CLOCK: variants seen among roughly 807,000 people sequenced by gnomAD.
CLOCK encodes the protein clock circadian regulator, also known as circadian locomoter output cycles protein kaput.
Under a neutral mutation model 118.4 loss-of-function variants are expected in CLOCK, and 43 were observed. That is an observed-to-expected ratio of 0.36 (90% CI 0.28 to 0.47). The LOEUF is 0.47. CLOCK is among the 20% of genes least tolerant of loss of function. CLOCK has a pLI of 1.00. For missense variants in CLOCK, 846 were observed against 999.9 expected, an observed-to-expected ratio of 0.85 and a Z score of 2.08; for synonymous variants, 326 against 339.2, an observed-to-expected ratio of 0.96 and a Z score of 0.43.
rs530414541 is a variant in CLOCK at position 55,524,275 on chromosome 4, G to A, written c.-289-14210C>T. ...AAATTAGCTGAGCATGGTGGCACCA[G>A]CCTGTAATCCCAGCTACTCAGGAGG... On this transcript the variant is annotated intron_variant, in intron 1 of 22. Transcript: ENST00000513440. 1.6e-4 allele frequency among the ~76,000 whole-genome samples: 24 copies of A among 152,080 alleles called. No individual in the cohort carries two copies. The South Asian group carries it at 5.0e-3, about 32-fold the overall frequency.
intron 6 of CLOCK, among the ~76,000 whole-genome samples, chr4:55,477,145 G>A (rs1208574562): frequency 1.3e-5 from 2 of 151,864 alleles, no homozygotes; most frequent in Non-Finnish European, 2.9e-5. Context: ...ATTTTAGGAT[G>A]ATACATATAT....
In CLOCK at chr4:55,470,746, T is replaced by C; in HGVS notation, c.409A>G (p.Ser137Gly). The change falls in exon 8 of 23, where the codon AGT becomes GGT. Residue 137 changes from serine (S) to glycine (G), a missense_variant. Ser to Gly is a moderately conservative substitution (Grantham distance 56). Transcript: ENST00000513440. ...AAATGTTCAAGTAATGAAGTTACACTCTCAGACACATATATTATGCTTCCA... is the reference window on the plus strand; with the variant it reads ...AAATGTTCAAGTAATGAAGTTACACCCTCAGACACATATATTATGCTTCCA... ...TDGSIIYVSE[S>G]VTSLLEHLPS... 1 of 1,610,914 alleles carries C rather than the reference T, an allele frequency of 6.2e-7. No homozygotes were observed. Among genetic ancestry groups the C allele is most frequent in the Non-Finnish European group, 8.5e-7 (1 of 1,177,654 alleles).
At position 55,492,750 on chromosome 4, in the gene CLOCK, C is replaced by T. The variant is rs1388375647; in HGVS notation, c.-135-3285G>A. The stretch of plus-strand genomic sequence containing the variant: ...ATCCCAGTTACTCGGGAGGGTGAGG[C>T]AGGAGAATCGCTTGAACCCAGGAAG... On this transcript the variant is annotated intron_variant, in intron 2 of 22. Coordinates refer to ENST00000513440, the MANE Select transcript of CLOCK (RefSeq NM_004898.4). Among the ~76,000 whole-genome samples the T allele has an allele frequency of 3.9e-5, 6 of 152,056 alleles. No individual in the cohort carries two copies. The East Asian group carries it at 9.6e-4, about 24-fold the overall frequency.
At position 55,453,823 on chromosome 4, in the gene CLOCK, T is replaced by C. The variant is rs746317226; in HGVS notation, c.984A>G (p.Leu328=). The change falls in exon 14 of 23, where the codon TTA becomes TTG. Residue 328 remains leucine, a splice_region_variant and synonymous_variant. Coordinates refer to ENST00000513440, the MANE Select transcript of CLOCK (RefSeq NM_004898.4). ...ATGATTTGCCTTTCCCATATTGCAT[T>C]ACTAAAAGGAAAATAGAGAAATATT... The part of the protein sequence containing the change: ...LENLAKCHEH[L]MQYGKGKSCY... 5 of 1,597,040 alleles carry C rather than the reference T, an allele frequency of 3.1e-6. No homozygotes were observed. In the South Asian group the frequency reaches 4.6e-5, roughly 15 times the overall value.
At chr4:55,521,239 G>C (rs1198990155) in intron 1 of CLOCK, among the ~76,000 whole-genome samples, 1 of 152,046 alleles carries the variant, frequency 6.6e-6, no homozygotes, top group African/African-American at 2.4e-5. Flanking sequence ...GTTTTTTTGA[G>C]ATGGAGTTTC....
chr4:55,479,449 A>C (rs976128671), intron 5 of CLOCK, among the ~76,000 whole-genome samples, 191 bp downstream of exon 5: 1 of 152,192 alleles, frequency 6.6e-6, no homozygotes, highest in African/African-American at 2.4e-5. Flanking sequence ...GCAAAGCATA[A>C]TACTTTTCCA....
intron 4 of CLOCK, among the ~76,000 whole-genome samples, chr4:55,481,365 T>A (rs566673117): frequency 6.6e-6 from 1 of 152,322 alleles, no homozygotes; most frequent in East Asian, 1.9e-4. Flanking sequence ...ATATTAATAA[T>A]CACTGCTTTA....
intron 13 of CLOCK, among the ~76,000 whole-genome samples, chr4:55,455,348 T>TG (rs1724846770): frequency 6.6e-6 from 1 of 152,202 alleles, no homozygotes. Flanking sequence ...AGCTTACTCA[T>TG]GAAGATAATA....
intron 1 of CLOCK, among the ~76,000 whole-genome samples, chr4:55,518,787 T>C (rs1166559984): frequency 1.3e-5 from 2 of 152,192 alleles, no homozygotes; most frequent in African/African-American, 4.8e-5. Flanking sequence ...AAACAATAAA[T>C]TTCTGTTGCT....
chr4:55,518,051 A>G (rs1023616604), intron 1 of CLOCK, among the ~76,000 whole-genome samples: 1 of 152,130 alleles, frequency 6.6e-6, no homozygotes, highest in African/African-American at 2.4e-5. Context: ...TGTGTGTATG[A>G]GTGTACTAGG....
Position 55,475,411 on chromosome 4 carries a change from C to T in CLOCK, c.348+552G>A, listed in dbSNP as rs1029171430. ...ACTGTTGACATGACAGCAAAGGATA[C>T]AGAATATTACATAAATTTAGTTGAT... On this transcript the variant is annotated intron_variant, in intron 7 of 22. Coordinates refer to ENST00000513440, the MANE Select transcript of CLOCK (RefSeq NM_004898.4). Among the ~76,000 whole-genome samples the T allele has an allele frequency of 8.0e-4, 121 of 152,130 alleles. 1 individual carries two copies. Among genetic ancestry groups the T allele is most frequent in the Non-Finnish European group, 7.4e-5 (5 of 68,022 alleles).
intron 15 of CLOCK, among the ~76,000 whole-genome samples, chr4:55,451,934 T>C (rs967947753): frequency 6.6e-6 from 1 of 152,224 alleles, no homozygotes; most frequent in East Asian, 1.9e-4. Flanking sequence ...ATAACATTTG[T>C]TGAATGACTG....
In CLOCK at chr4:55,443,897, C is replaced by T; in HGVS notation, c.1693-1G>A. Reference sequence around the variant, plus strand: ...CAGGATTTGATTGTTGCAAAAACATCTTTAAAAATAAAGATTATGTTAAAA... The same window carrying T: ...CAGGATTTGATTGTTGCAAAAACATTTTTAAAAATAAAGATTATGTTAAAA... On this transcript the variant is annotated splice_acceptor_variant, in intron 19 of 22. Transcript: ENST00000513440. LOFTEE classifies it high-confidence loss of function. 1 of 1,610,924 alleles carries T rather than the reference C, an allele frequency of 6.2e-7. No homozygotes were observed. Among genetic ancestry groups the T allele is most frequent in the Non-Finnish European group, 8.5e-7 (1 of 1,179,014 alleles).
chr4:55,467,382 T>C (rs1257718948), intron 8 of CLOCK, among the ~76,000 whole-genome samples: 4 of 152,188 alleles, frequency 2.6e-5, no homozygotes, highest in Non-Finnish European at 5.9e-5. Context: ...TTTAAGAAGC[T>C]ACAACTACCA....
chr4:55,530,283 C>T (rs1730453516), intron 1 of CLOCK, among the ~76,000 whole-genome samples: 1 of 152,094 alleles, frequency 6.6e-6, no homozygotes, highest in Non-Finnish European at 1.5e-5. Context: ...GACAGAATAG[C>T]ATCAGACATC....
chr4:55,510,895 A>C (rs1729106895), intron 1 of CLOCK, among the ~76,000 whole-genome samples: 1 of 152,188 alleles, frequency 6.6e-6, no homozygotes, highest in Non-Finnish European at 1.5e-5. Flanking sequence ...AAAGAAAGCA[A>C]AAGGTGAAGC....
At chr4:55,493,124 T>C (rs1471387106) in intron 2 of CLOCK, among the ~76,000 whole-genome samples, 2 of 152,126 alleles carry the variant, frequency 1.3e-5, no homozygotes, top group African/African-American at 2.4e-5. Context: ...GGCCTAGCTA[T>C]ACATGAGGAG....
chr4:55,465,656 T>G (rs1348857633), intron 8 of CLOCK, among the ~76,000 whole-genome samples: 1 of 152,102 alleles, frequency 6.6e-6, no homozygotes, highest in African/African-American at 2.4e-5. Context: ...AGGAGTGAAC[T>G]AAAAATTCAG....
At chr4:55,442,150 G>A (rs1372473393) in intron 21 of CLOCK, 1 of 382,484 alleles carries the variant, frequency 2.6e-6, no homozygotes, top group African/African-American at 2.1e-5. Context: ...CAGTGACACA[G>A]AGCCTGTCAT....
Sources: allele counts gnomAD v4.1 joint callset (sites outside exome capture counted in the v4.1 genomes callset), GRCh38; gene constraint gnomAD v4.1.1; transcripts MANE v1.5; gene names NCBI Gene and HGNC (gene_info 2026-07-23, HGNC 2026-07-21).